GPHN: variants seen among roughly 807,000 people sequenced by gnomAD.
GPHN encodes the protein gephyrin.
In GPHN, 17 loss-of-function variants were observed where a neutral mutation model predicts 95.5. The observed-to-expected ratio is 0.18, with a 90% CI of 0.12 to 0.27. GPHN has a LOEUF of 0.27. Ranked by LOEUF, GPHN falls within the 10% of genes least tolerant of loss-of-function variation. The pLI is 1.00. For synonymous variants in GPHN, 320 were observed against 322.5 expected (o/e 0.99, Z 0.08); for missense variants, 660 against 978.1 (o/e 0.67, Z 4.34).
intron 2 of GPHN, among the ~76,000 whole-genome samples, chr14:66,704,631 G>A (rs538612493): frequency 3.3e-5 from 5 of 152,114 alleles, no homozygotes; most frequent in African/African-American, 9.6e-5. Context: ...AAGACACAAC[G>A]TACCAGAAGC....
the GPHN span, chr14:67,589,535 TA>T: frequency 2.0e-6 from 2 of 985,414 alleles, no homozygotes; most frequent in Non-Finnish European, 2.4e-6. Flanking sequence ...GTGAACCAGG[TA>T]ACTGTGTGTT....
intron 1 of GPHN, among the ~76,000 whole-genome samples, chr14:66,673,527 G>T (rs890025385): frequency 6.6e-6 from 1 of 152,124 alleles, no homozygotes; most frequent in Non-Finnish European, 1.5e-5. Flanking sequence ...ATGCTTACTG[G>T]AATTCATTTA....
intron 2 of GPHN, among the ~76,000 whole-genome samples, chr14:66,770,927 C>T (rs1337416746): frequency 6.6e-6 from 1 of 152,018 alleles, no homozygotes; most frequent in Non-Finnish European, 1.5e-5. Context: ...AGTACATTTT[C>T]AGTTTCAGGC....
the GPHN span, among the ~76,000 whole-genome samples, chr14:67,728,703 T>TTGGGGG: frequency 3.5e-5 from 5 of 142,244 alleles, no homozygotes; most frequent in African/African-American, 1.3e-4. Context: ...GGATATCTTG[T>TTGGGGG]GGGGGGGGGG....
At chr14:66,945,702 C>T (rs10142878) in intron 8 of GPHN, among the ~76,000 whole-genome samples, 26,027 of 152,060 alleles carry the variant, frequency 0.17, 3,879 homozygotes, top group East Asian at 0.45. Context: ...GATTTGTAAA[C>T]GGCAAATCTT....
At chr14:66,929,912 C>T (rs1372457375) in intron 8 of GPHN, among the ~76,000 whole-genome samples, 11 of 152,028 alleles carry the variant, frequency 7.2e-5, no homozygotes, top group Non-Finnish European at 7.4e-5. Flanking sequence ...GGGGTTTCAC[C>T]GTGTTAGCCA....
chr14:66,876,349 CA>C (rs1186341874), intron 4 of GPHN, among the ~76,000 whole-genome samples: 5 of 151,810 alleles, frequency 3.3e-5, no homozygotes, highest in African/African-American at 1.2e-4. Flanking sequence ...ACTAGAGAAG[CA>C]AGAGCAAACA....
chr14:67,200,000 A>C, the GPHN span: 1 of 1,016,526 alleles, frequency 9.8e-7, no homozygotes, highest in Non-Finnish European at 1.4e-6. Flanking sequence ...CTGGCACACC[A>C]TGGACCTCAT....
intron 1 of GPHN, among the ~76,000 whole-genome samples, chr14:66,568,710 C>T (rs1358078725): frequency 6.6e-6 from 1 of 152,040 alleles, no homozygotes; most frequent in Non-Finnish European, 1.5e-5. Flanking sequence ...TATAGTATAT[C>T]TCACTTTATG....
intron 1 of GPHN, among the ~76,000 whole-genome samples, chr14:66,650,177 TC>T (rs377071649): frequency 4.1e-4 from 62 of 152,104 alleles, no homozygotes; most frequent in South Asian, 2.3e-3. Context: ...GATTTCACAT[TC>T]TCAGAGCCTG....
the GPHN span, among the ~76,000 whole-genome samples, chr14:67,274,107 G>A: frequency 2.0e-5 from 3 of 152,120 alleles, no homozygotes; most frequent in Non-Finnish European, 4.4e-5. Flanking sequence ...CTTTTGCTGT[G>A]CAGAAGCTCT....
intron 1 of GPHN, among the ~76,000 whole-genome samples, chr14:66,516,425 C>T (rs1303924064): frequency 6.6e-6 from 1 of 152,172 alleles, no homozygotes; most frequent in African/African-American, 2.4e-5. Context: ...CCTTCCTCTT[C>T]CTGCCCTGCC....
intron 2 of GPHN, among the ~76,000 whole-genome samples, chr14:66,724,067 G>A (rs527326482): frequency 6.6e-6 from 1 of 151,290 alleles, no homozygotes; most frequent in African/African-American, 2.4e-5. Flanking sequence ...GAAAATTTCT[G>A]CAATGAGTCA....
At chr14:66,960,438 G>C (rs2068818961) in intron 8 of GPHN, among the ~76,000 whole-genome samples, 1 of 151,894 alleles carries the variant, frequency 6.6e-6, no homozygotes, top group Non-Finnish European at 1.5e-5. Flanking sequence ...TTTTTCAGCA[G>C]TAGTAGTTAT....
chr14:66,930,523 AG>A (rs1190465539), intron 8 of GPHN, among the ~76,000 whole-genome samples: 3 of 141,324 alleles, frequency 2.1e-5, no homozygotes, highest in African/African-American at 5.4e-5. Flanking sequence ...AAAAAGTTGT[AG>A]GTTTTTTTTT....
chr14:67,581,947 C>A, the GPHN span: 1 of 949,356 alleles, frequency 1.1e-6, no homozygotes, highest in Non-Finnish European at 1.6e-6. Context: ...ACAAAATAGG[C>A]TCATAAATAG....
chr14:67,473,912 G>T, the GPHN span: 24 of 1,603,498 alleles, frequency 1.5e-5, no homozygotes, highest in East Asian at 2.5e-4. The surrounding 1 kb of genome is among the most constrained non-coding windows in gnomAD (Gnocchi z 6.5). Context: ...TCAGGGGCTC[G>T]GCAGACGCCA....
the GPHN span, among the ~76,000 whole-genome samples, chr14:67,552,991 C>T: frequency 1.1e-4 from 17 of 152,250 alleles, no homozygotes; most frequent in South Asian, 3.1e-3. Flanking sequence ...AATAACAGAG[C>T]GATTTCTGGT....
chr14:67,615,501 T>G, the GPHN span: 1 of 402,778 alleles, frequency 2.5e-6, no homozygotes, highest in Non-Finnish European at 4.8e-6. Flanking sequence ...AAGGAGATCT[T>G]AAAAAGCCAA....
Sources: allele counts gnomAD v4.1 joint callset (sites outside exome capture counted in the v4.1 genomes callset), GRCh38; gene constraint gnomAD v4.1.1; non-coding constraint Gnocchi (gnomAD v3.1); transcripts MANE v1.5; gene names NCBI Gene and HGNC (gene_info 2026-07-23, HGNC 2026-07-21).